PCDH15: variants seen among roughly 807,000 people sequenced by gnomAD.
PCDH15 encodes the protein protocadherin-15.
A neutral mutation model predicts 178.5 loss-of-function variants in PCDH15; 129 were observed. That is an observed-to-expected ratio of 0.72 (90% CI 0.63 to 0.84). PCDH15 has a LOEUF of 0.84. PCDH15 is among the 40% of genes least tolerant of loss of function. The pLI, the probability that PCDH15 is intolerant of heterozygous loss-of-function variation, is 0.00. For missense variants in PCDH15, 2,230 were observed against 2,099.9 expected, an observed-to-expected ratio of 1.06 and a Z score of -1.21; for synonymous variants, 800 against 732.0, an observed-to-expected ratio of 1.09 and a Z score of -1.50.
rs1484394005 is a variant in PCDH15, at chr10:53,803,865, G to A, written c.*2714C>T. ...TGCCTGATTGAAGCTAGTGCTGATT[G>A]AGAACAACAAGAAAACCTTCCTACA... On this transcript the variant is annotated 3_prime_UTR_variant, in exon 38 of 38. Transcript: ENST00000644397. 1 of 151,834 alleles carries A rather than the reference G, an allele frequency of 6.6e-6. No homozygotes were observed. Among genetic ancestry groups the A allele is most frequent in the Admixed American group, 6.6e-5 (1 of 15,210 alleles). 9.4% of individuals were successfully genotyped at this position (151,834 alleles called of 1,614,324 possible).
At chr10:54,870,758 C>G (rs990973840) in intron 3 of PCDH15, among the ~76,000 whole-genome samples, 14 of 151,424 alleles carry the variant, frequency 9.2e-5, no homozygotes, top group Non-Finnish European at 2.1e-4. Flanking sequence ...TGCACTCTAG[C>G]CTGGGCGACA....
intron 2 of PCDH15, among the ~76,000 whole-genome samples, chr10:55,107,739 CA>C (rs1319959196): frequency 4.6e-5 from 7 of 151,712 alleles, no homozygotes; most frequent in Admixed American, 3.9e-4. Flanking sequence ...GATCCACCCC[CA>C]CCCCCCTCAG....
chr10:55,122,533 T>C (rs1046644265), intron 2 of PCDH15, among the ~76,000 whole-genome samples: 2 of 152,022 alleles, frequency 1.3e-5, no homozygotes, highest in Non-Finnish European at 2.9e-5. Flanking sequence ...CAATATAAGA[T>C]TAGGCATGTA....
chr10:54,423,194 T>C (rs1396326774), intron 3 of PCDH15, among the ~76,000 whole-genome samples: 2 of 152,128 alleles, frequency 1.3e-5, no homozygotes, highest in Non-Finnish European at 2.9e-5. Flanking sequence ...GGGATTGACT[T>C]ACCCAAACCA....
At chr10:55,070,335 A>G (rs1841698104) in intron 2 of PCDH15, among the ~76,000 whole-genome samples, 1 of 151,832 alleles carries the variant, frequency 6.6e-6, no homozygotes, top group South Asian at 2.1e-4. Flanking sequence ...TTGGTGTTTT[A>G]GACATGAAGT....
chr10:55,207,247 A>G (rs995381119), intron 1 of PCDH15, among the ~76,000 whole-genome samples: 2 of 152,144 alleles, frequency 1.3e-5, no homozygotes, highest in Non-Finnish European at 2.9e-5. Flanking sequence ...ATTCCATATC[A>G]ATATGGAACT....
intron 1 of PCDH15, among the ~76,000 whole-genome samples, chr10:55,192,447 G>A (rs1472928441): frequency 6.6e-6 from 1 of 151,716 alleles, no homozygotes; most frequent in African/African-American, 2.4e-5. Flanking sequence ...GGAGGAAACC[G>A]ACTCAGAATG....
At chr10:54,528,460 A>C in intron 2 of PCDH15, 1 of 1,372,202 alleles carries the variant, frequency 7.3e-7, no homozygotes, top group Non-Finnish European at 1.0e-6. Context: ...GGAAGAAAGA[A>C]AGGAAGAGAG....
intron 2 of PCDH15, among the ~76,000 whole-genome samples, chr10:54,923,511 C>G (rs540637897): frequency 7.2e-6 from 1 of 138,048 alleles, no homozygotes; most frequent in African/African-American, 2.5e-5. Flanking sequence ...CTTTTAAATA[C>G]GAATTCCAAT....
At chr10:54,828,307 T>C (rs1320549168) in intron 3 of PCDH15, among the ~76,000 whole-genome samples, 1 of 151,994 alleles carries the variant, frequency 6.6e-6, no homozygotes, top group Non-Finnish European at 1.5e-5. Context: ...CTCTGGGTAC[T>C]AAAAGGAAAT....
chr10:55,576,715 C>A (rs1484007592), intron 2 of PCDH15, among the ~76,000 whole-genome samples: 1 of 141,798 alleles, frequency 7.1e-6, no homozygotes, highest in Non-Finnish European at 1.6e-5. Flanking sequence ...ATACCAAAAC[C>A]AAAATAACAG....
At chr10:55,313,335 A>G (rs1843637901) in intron 1 of PCDH15, among the ~76,000 whole-genome samples, 1 of 152,210 alleles carries the variant, frequency 6.6e-6, no homozygotes, top group South Asian at 2.1e-4. Flanking sequence ...GAAGGGCTTG[A>G]GAAATGGGGA....
At chr10:54,172,963 C>G (rs1271822988) in intron 13 of PCDH15, among the ~76,000 whole-genome samples, 3 of 152,014 alleles carry the variant, frequency 2.0e-5, no homozygotes, top group Admixed American at 1.3e-4. Context: ...TTAAGTATAT[C>G]AAGGAAAGGG....
rs537540573 is a variant in PCDH15 at position 55,587,021 on chromosome 10, C to G, written c.-156+40604G>C. 9.9e-5 allele frequency among the ~76,000 whole-genome samples: 15 copies of G among 152,068 alleles called. No individual in the cohort carries two copies. The South Asian group carries it at 3.1e-3, about 32-fold the overall frequency. On this transcript the variant is annotated intron_variant, in intron 2 of 5. Coordinates refer to the PCDH15 transcript ENST00000613346. ...AACAGAAGTACAATTTTAATAAAGG[C>G]CAAAGTTTTGCTAGTGTTTCACTTA...
chr10:54,448,267 T>G (rs1457680632), intron 3 of PCDH15, among the ~76,000 whole-genome samples: 1 of 151,754 alleles, frequency 6.6e-6, no homozygotes, highest in Non-Finnish European at 1.5e-5. Context: ...AATTGTCTTA[T>G]CTATTGTCTA....
chr10:54,676,749 G>T (rs941047803), intron 1 of PCDH15, among the ~76,000 whole-genome samples: 4 of 152,120 alleles, frequency 2.6e-5, no homozygotes, highest in African/African-American at 9.7e-5. Context: ...ACTATCTTAC[G>T]ATTCAGCAAG....
At chr10:55,292,625 A>G (rs1052872497) in intron 1 of PCDH15, among the ~76,000 whole-genome samples, 7 of 152,034 alleles carry the variant, frequency 4.6e-5, no homozygotes, top group Non-Finnish European at 8.8e-5. Flanking sequence ...CAGGTGATCT[A>G]CCCACCTCGG....
chr10:53,834,632 T>C (rs2077202123), intron 29 of PCDH15, among the ~76,000 whole-genome samples: 1 of 152,034 alleles, frequency 6.6e-6, no homozygotes, highest in African/African-American at 2.4e-5. Flanking sequence ...GTAGCCAACA[T>C]GAATTGATTA....
chr10:54,677,582 C>T (rs1016234600), intron 1 of PCDH15, among the ~76,000 whole-genome samples: 13 of 151,790 alleles, frequency 8.6e-5, no homozygotes, highest in South Asian at 2.1e-4. Context: ...CATAAAATAC[C>T]GTAAATAAAT....
Sources: gnomAD v4.1 joint callset for allele counts (sites outside exome capture counted in the v4.1 genomes callset) on GRCh38, gnomAD v4.1.1 for gene constraint, MANE v1.5 for transcripts, NCBI Gene and HGNC (gene_info 2026-07-23, HGNC 2026-07-21) for gene names.